KMT2A: variants seen among roughly 807,000 people sequenced by gnomAD.
KMT2A encodes histone-lysine N-methyltransferase 2A.
A neutral mutation model predicts 345.3 loss-of-function variants in KMT2A; 16 were observed. The observed-to-expected ratio is 0.05, with a 90% CI of 0.03 to 0.07. The LOEUF (loss-of-function observed/expected upper bound fraction) is 0.07, where lower values mean the gene tolerates loss of function less well. KMT2A is among the 10% of genes least tolerant of loss of function. KMT2A has a pLI of 1.00. For synonymous variants in KMT2A, 1,599 were observed against 1,778.6 expected (o/e 0.90, Z 2.54); for missense variants, 3,272 against 4,841.6 (o/e 0.68, Z 9.62).
rs1243266920 is a variant in KMT2A at position 118,510,157 on chromosome 11, C to T, written c.11071+39C>T. On this transcript the variant is annotated intron_variant, in intron 30 of 35. Transcript: ENST00000534358. The surrounding 1 kb of genome is among the most constrained non-coding windows in gnomAD (Gnocchi z 4.1). ...ATCAGGTTGACCCATCAGCAGAAGC[C>T]CTGTTTCAGCTAGAGCTTCATTTTC... 2.0e-6 allele frequency: 3 copies of T among 1,508,684 alleles called. No individual in the cohort carries two copies. The highest frequency in any genetic ancestry group is 3.8e-5 in the Admixed American group (2 of 52,582). The allele number at this position is 1,508,684 out of a possible 1,614,324, so 93.5% of individuals were successfully genotyped here. A position where few individuals can be genotyped will look rare whatever the true frequency, so the allele number is the denominator to read the frequency against.
rs369393980 is a variant in KMT2A at position 118,519,608 on chromosome 11, ATTC to A, written c.11147-5_11147-3del. 1,246 of 1,604,770 alleles carry A rather than the reference ATTC, an allele frequency of 7.8e-4. 2 individuals carry two copies. The highest frequency in any genetic ancestry group is 9.7e-4 in the Non-Finnish European group (1,138 of 1,171,968). On this transcript the variant is annotated splice_region_variant and splice_polypyrimidine_tract_variant and intron_variant, in intron 31 of 35. Coordinates refer to ENST00000534358, the MANE Select transcript of KMT2A (RefSeq NM_001197104.2). ...GCTCCTCACTTCCCTGGTGCTTCTG[ATTC>A]TTCTAGGTGTTAACGGTTTGAGGAT...
chr11:118,467,980 A>C (rs553626055), intron 1 of KMT2A, among the ~76,000 whole-genome samples: 1 of 152,246 alleles, frequency 6.6e-6, no homozygotes, highest in South Asian at 2.1e-4. Flanking sequence ...TTTCTTGAGA[A>C]CTTGTGCAAA....
rs1951068228 is a variant in KMT2A at position 118,525,725 on chromosome 11, C to T, written c.*3553C>T. The T allele has an allele frequency of 4.4e-6, 1 of 228,366 alleles. No individual in the cohort carries two copies. Among genetic ancestry groups the T allele is most frequent in the Admixed American group, 5.7e-5 (1 of 17,548 alleles). The allele number at this position is 228,366 out of a possible 1,614,324, so 14.1% of individuals were successfully genotyped here. A position where few individuals can be genotyped will look rare whatever the true frequency, so the allele number is the denominator to read the frequency against. On this transcript the variant is annotated 3_prime_UTR_variant, in exon 36 of 36. Coordinates refer to ENST00000534358, the MANE Select transcript of KMT2A (RefSeq NM_001197104.2). Reference sequence around the variant, plus strand: ...TCAAATATCTGAAAATACTAAAGGTCAAAACCTTGTCAGATGTTAACTTCT... The same window carrying T: ...TCAAATATCTGAAAATACTAAAGGTTAAAACCTTGTCAGATGTTAACTTCT...
chr11:118,444,344 T>A (rs1949374263), intron 1 of KMT2A, among the ~76,000 whole-genome samples: 1 of 152,206 alleles, frequency 6.6e-6, no homozygotes, highest in Non-Finnish European at 1.5e-5. Context: ...GTGGATAACA[T>A]CTCTTTAAGC....
chr11:118,462,735 AT>A (rs1245363404), intron 1 of KMT2A, among the ~76,000 whole-genome samples: 1 of 151,074 alleles, frequency 6.6e-6, no homozygotes, highest in South Asian at 2.1e-4. Context: ...ATTTTTTTGT[AT>A]TTTTTTTAGT....
At chr11:118,448,986 G>C (rs915863887) in intron 1 of KMT2A, 2 of 152,176 alleles carry the variant, frequency 1.3e-5, no homozygotes, top group African/African-American at 4.8e-5. Flanking sequence ...AAAACTGCTT[G>C]TATAAATTCA....
At chr11:118,487,600 C>A (rs1555041213) in intron 10 of KMT2A, among the ~76,000 whole-genome samples, 2 of 152,098 alleles carry the variant, frequency 1.3e-5, no homozygotes, top group South Asian at 4.1e-4. Flanking sequence ...CCTGTAGATA[C>A]ACATGTATCT....
Position 118,504,606 on chromosome 11 carries a change from C to G in KMT2A, c.8714C>G (p.Pro2905Arg). The G allele has an allele frequency of 6.2e-7, 1 of 1,614,148 alleles. No homozygotes were observed. The highest frequency in any genetic ancestry group is 8.5e-7 in the Non-Finnish European group (1 of 1,180,018). The change falls in exon 27 of 36, where the codon CCT becomes CGT. Residue 2905 changes from proline (P) to arginine (R), a missense_variant. Pro to Arg is a moderately radical substitution (Grantham distance 103, BLOSUM62 -2). Transcript: ENST00000534358. This position sits in a 1 kb window ranked among gnomAD's most constrained non-coding sequence, Gnocchi z 6.4. ...GLFEVFSQQL[P>R]TTEPVDSSVS... ...TTTGAAGTATTTTCTCAGCAGCTGC[C>G]TACAACAGAACCTGTGGATAGTAGT...
intron 1 of KMT2A, among the ~76,000 whole-genome samples, chr11:118,441,580 G>C (rs1293510965): frequency 6.6e-6 from 1 of 152,046 alleles, no homozygotes; most frequent in Non-Finnish European, 1.5e-5. Context: ...ATTCCTGTAG[G>C]TGTATGAATT....
At chr11:118,466,783 A>C in intron 1 of KMT2A, among the ~76,000 whole-genome samples, 1 of 152,176 alleles carries the variant, frequency 6.6e-6, no homozygotes, top group Non-Finnish European at 1.5e-5. Context: ...TGGGCGACAG[A>C]GCAAGACTCT....
rs781986800 is a variant in KMT2A, at chr11:118,498,359, TGG to T, written c.5803-10_5803-9del. 6.2e-7 allele frequency: 1 copy of T among 1,605,262 alleles called. No homozygotes were observed. The highest frequency in any genetic ancestry group is 1.1e-5 in the South Asian group (1 of 90,460). On this transcript the variant is annotated splice_polypyrimidine_tract_variant and intron_variant, in intron 21 of 35. Coordinates refer to ENST00000534358, the MANE Select transcript of KMT2A (RefSeq NM_001197104.2). This position sits in a 1 kb window ranked among gnomAD's most constrained non-coding sequence, Gnocchi z 4.4. Reference sequence around the variant, plus strand: ...AGTCTGAATAGGACTCTGTTCTTTTTGGATTTTTAGAGATGTGAATTCTGCCA... The same window carrying T: ...AGTCTGAATAGGACTCTGTTCTTTTTATTTTTAGAGATGTGAATTCTGCCA...
rs782712792 is a variant in KMT2A at position 118,503,505 on chromosome 11, C to A, written c.7613C>A (p.Ser2538Tyr). The change falls in exon 27 of 36, where the codon TCC becomes TAC. Residue 2538 changes from serine (S) to tyrosine (Y), a missense_variant. Physicochemically the swap from Ser to Tyr is moderately radical, Grantham distance 144. Transcript: ENST00000534358. The surrounding 1 kb of genome is among the most constrained non-coding windows in gnomAD (Gnocchi z 5.3). ...TPLKMENESQ[S>Y]KNALKESSPA... ...CTAAAAATGGAAAATGAGAGTCAATCCAAAAATGCCCTGAAAGAAAGTAGT... is the reference window on the plus strand; with the variant it reads ...CTAAAAATGGAAAATGAGAGTCAATACAAAAATGCCCTGAAAGAAAGTAGT... 6.2e-7 allele frequency: 1 copy of A among 1,614,098 alleles called. No homozygotes were observed. Among genetic ancestry groups the A allele is most frequent in the South Asian group, 1.1e-5 (1 of 91,086 alleles).
chr11:118,478,279 A>G (rs1950073208), intron 5 of KMT2A, 78 bp downstream of exon 5: 5 of 1,071,008 alleles, frequency 4.7e-6, no homozygotes. Flanking sequence ...TGTTGCAGAG[A>G]TACATCAGGA....
chr11:118,468,067 C>T (rs1949879123), intron 1 of KMT2A, among the ~76,000 whole-genome samples: 1 of 151,618 alleles, frequency 6.6e-6, no homozygotes, highest in South Asian at 2.1e-4. Context: ...GCTTTTTGTC[C>T]TTTCCAACTA....
At position 118,481,794 on chromosome 11, in the gene KMT2A, G is replaced by T. The variant is rs1555039294; in HGVS notation, c.3714G>T (p.Val1238=). The T allele has an allele frequency of 6.2e-7, 1 of 1,614,148 alleles. No individual in the cohort carries two copies. The highest frequency in any genetic ancestry group is 1.7e-5 in the Admixed American group (1 of 60,012). ...AGAGCAGTGTTGTGAAGAACGTGGTGGACTCTAGTCAGAAACCTACCCCAT... is the reference window on the plus strand; with the variant it reads ...AGAGCAGTGTTGTGAAGAACGTGGTTGACTCTAGTCAGAAACCTACCCCAT... ...SKESSVVKNV[V]DSSQKPTPSA... is the part of the protein sequence containing the mutation. Residue 1238 remains valine, a synonymous_variant, in exon 7 of 36, where the codon GTG becomes GTT. Transcript: ENST00000534358.
At chr11:118,486,007 C>T (rs993056542) in intron 10 of KMT2A, among the ~76,000 whole-genome samples, 1 of 152,052 alleles carries the variant, frequency 6.6e-6, no homozygotes, top group African/African-American at 2.4e-5. Context: ...GGCATGAACC[C>T]GGGAGGTGGA....
At chr11:118,488,816 T>C (rs1407782732) in intron 11 of KMT2A, 56 bp downstream of exon 11, 9 of 1,555,418 alleles carry the variant, frequency 5.8e-6, no homozygotes, top group Middle Eastern at 1.7e-4. Flanking sequence ...GGGTTCTGTA[T>C]CCCTGGACTC....
intron 5 of KMT2A, among the ~76,000 whole-genome samples, chr11:118,479,909 G>A (rs567528020): frequency 6.6e-6 from 1 of 152,164 alleles, no homozygotes; most frequent in Non-Finnish European, 1.5e-5. Flanking sequence ...TGTGGTGCTA[G>A]TCAGTGTTGG....
chr11:118,494,467 C>A lies in KMT2A; in HGVS notation c.5289+69C>A. 1.1e-6 allele frequency: 1 copy of A among 924,872 alleles called. No individual in the cohort carries two copies. The highest frequency in any genetic ancestry group is 1.7e-6 in the Non-Finnish European group (1 of 576,088). The allele number at this position is 924,872 out of a possible 1,614,324, so 57.3% of individuals were successfully genotyped here. ...GTAATTACCCTGTGAATACAATGAA[C>A]TTGTTCTCTTCTACTTTTTGCTTTG... is the stretch of plus-strand genomic sequence containing the variant. On this transcript the variant is annotated intron_variant, in intron 17 of 35. Transcript: ENST00000534358. This position sits in a 1 kb window ranked among gnomAD's most constrained non-coding sequence, Gnocchi z 5.8.
Sources: allele counts gnomAD v4.1 joint callset (sites outside exome capture counted in the v4.1 genomes callset), GRCh38; gene constraint gnomAD v4.1.1; non-coding constraint Gnocchi (gnomAD v3.1); transcripts MANE v1.5; gene names NCBI Gene and HGNC (gene_info 2026-07-23, HGNC 2026-07-21).